The following SH3RF2 variants were observed in gnomAD, a reference collection of about 807,000 sequenced individuals.
SH3RF2 encodes SH3 domain containing ring finger 2, also known as E3 ubiquitin-protein ligase SH3RF2.
In SH3RF2, 43 loss-of-function variants were observed where a neutral mutation model predicts 59.0. That is an observed-to-expected ratio of 0.73 (90% CI 0.57 to 0.94). The LOEUF (loss-of-function observed/expected upper bound fraction) is 0.94, where lower values mean the gene tolerates loss of function less well. Ranked by LOEUF, SH3RF2 falls within the 40% of genes least tolerant of loss-of-function variation. The probability of loss-of-function intolerance (pLI) is 0.00; values close to 1 mark genes in which losing one functional copy is unlikely to be tolerated. For synonymous variants in SH3RF2, 391 were observed against 391.5 expected, an observed-to-expected ratio of 1.00 and a Z score of 0.01; for missense variants, 930 against 940.1, an observed-to-expected ratio of 0.99 and a Z score of 0.14.
At chr5:145,941,828 T>G (rs989790558) in intron 2 of SH3RF2, among the ~76,000 whole-genome samples, 18 of 152,124 alleles carry the variant, frequency 1.2e-4, no homozygotes, top group African/African-American at 3.9e-4. Flanking sequence ...GAGAAATAAG[T>G]GAGATGATTC....
intron 5 of SH3RF2, among the ~76,000 whole-genome samples, chr5:146,015,050 G>A (rs568076957): frequency 4.5e-4 from 68 of 152,194 alleles, no homozygotes; most frequent in Admixed American, 3.3e-3. Context: ...GTGCTGATGT[G>A]TTTTTTCTTT....
chr5:146,014,685 G>T (rs370155558), intron 5 of SH3RF2, among the ~76,000 whole-genome samples: 1 of 152,120 alleles, frequency 6.6e-6, no homozygotes, highest in African/African-American at 2.4e-5. Flanking sequence ...GGCACAAACC[G>T]GTGAAGCCAG....
In SH3RF2 at chr5:145,991,898, G is replaced by A. The variant is rs1759948006; in HGVS notation, c.379-8160G>A. Among the ~76,000 whole-genome samples the A allele has an allele frequency of 2.0e-5, 3 of 152,286 alleles. No individual in the cohort carries two copies. The South Asian group carries it at 6.2e-4, about 32-fold the overall frequency. The stretch of plus-strand genomic sequence containing the variant: ...AACTCCATTCATTGCCCCCATTTGA[G>A]TTAGAATAAGATATAGCTTAGACCT... On this transcript the variant is annotated intron_variant, in intron 2 of 9. Transcript: ENST00000359120.
At chr5:145,988,699 A>C (rs1759811205) in intron 2 of SH3RF2, among the ~76,000 whole-genome samples, 1 of 152,152 alleles carries the variant, frequency 6.6e-6, no homozygotes, top group Non-Finnish European at 1.5e-5. Context: ...CTCAAATCTG[A>C]ATGTCGGATT....
rs530029018 is a variant in SH3RF2, at chr5:146,072,443, C to G, written c.*34-6017C>G. On this transcript the variant is annotated intron_variant, in intron 9 of 9. Coordinates refer to the SH3RF2 transcript ENST00000511217. ...ATTCCAGCACTTTGGGAGGCTGAGG[C>G]AGGCGGATCACAAGGTCAGGAGTTT... Among the ~76,000 whole-genome samples, 23 of 152,264 alleles carry G rather than the reference C, an allele frequency of 1.5e-4. 2 individuals carry two copies. In the South Asian group the frequency reaches 4.8e-3, roughly 32 times the overall value.
intron 2 of SH3RF2, among the ~76,000 whole-genome samples, chr5:145,963,730 G>T (rs924189438): frequency 2.6e-5 from 4 of 152,032 alleles, no homozygotes; most frequent in African/African-American, 9.7e-5. Flanking sequence ...GAATTAAATG[G>T]CATCAGGTAA....
At chr5:145,943,717 TTTTTG>T (rs948599695) in intron 2 of SH3RF2, among the ~76,000 whole-genome samples, 1 of 151,948 alleles carries the variant, frequency 6.6e-6, no homozygotes, top group Non-Finnish European at 1.5e-5. Context: ...TTTGTTTTTG[TTTTTG>T]TTTTATCAGT....
chr5:146,060,243 TG>T lies in SH3RF2; in HGVS notation c.1914+24del. On this transcript the variant is annotated intron_variant, in intron 9 of 9. Coordinates refer to ENST00000359120, the MANE Select transcript of SH3RF2 (RefSeq NM_152550.4). ...CGAAAAGGTAGGATCAGAGTGACAT[TG>T]GGGGCCCAACTCTTTCGATCCCGTA... 6.4e-7 allele frequency: 1 copy of T among 1,574,700 alleles called. No individual in the cohort carries two copies. Among genetic ancestry groups the T allele is most frequent in the Non-Finnish European group, 8.6e-7 (1 of 1,158,296 alleles).
At chr5:145,948,232 A>C (rs1231834095) in intron 2 of SH3RF2, among the ~76,000 whole-genome samples, 3 of 152,214 alleles carry the variant, frequency 2.0e-5, no homozygotes. Context: ...ACAAAATAGG[A>C]AAATATGATT....
chr5:146,072,296 C>T (rs1763254343), intron 9 of SH3RF2, among the ~76,000 whole-genome samples: 1 of 152,140 alleles, frequency 6.6e-6, no homozygotes, highest in Non-Finnish European at 1.5e-5. Flanking sequence ...CAGAAAGGGA[C>T]CCAGAAGTGG....
intron 2 of SH3RF2, among the ~76,000 whole-genome samples, chr5:145,942,574 G>A (rs553860883): frequency 6.6e-6 from 1 of 152,348 alleles, no homozygotes; most frequent in African/African-American, 2.4e-5. Context: ...CTGTAATAGA[G>A]CTGTGATACA....
intron 5 of SH3RF2, among the ~76,000 whole-genome samples, chr5:146,017,773 A>C (rs1761162196): frequency 6.6e-6 from 1 of 152,040 alleles, no homozygotes; most frequent in Non-Finnish European, 1.5e-5. Flanking sequence ...CTATTGCTCC[A>C]GCCTCCTCAC....
At chr5:145,969,762 CAAAT>C (rs1205595396) in intron 2 of SH3RF2, among the ~76,000 whole-genome samples, 1 of 151,450 alleles carries the variant, frequency 6.6e-6, no homozygotes, top group East Asian at 1.9e-4. Context: ...AGTGTACAAA[CAAAT>C]AAATCATTAT....
In SH3RF2 at chr5:146,077,042, G is replaced by A. The variant is rs569119627; in HGVS notation, c.*34-1418G>A. ...ATTGGACAGGAGATAGAAAATTATCGAACCAATTTCCCATCATCCTTTTAG... is the reference window on the plus strand; with the variant it reads ...ATTGGACAGGAGATAGAAAATTATCAAACCAATTTCCCATCATCCTTTTAG... On this transcript the variant is annotated intron_variant, in intron 9 of 9. Transcript: ENST00000511217. Among the ~76,000 whole-genome samples the A allele has an allele frequency of 2.0e-5, 3 of 152,226 alleles. No homozygotes were observed. The East Asian group carries it at 5.8e-4, about 29-fold the overall frequency.
intron 9 of SH3RF2, among the ~76,000 whole-genome samples, chr5:146,071,981 A>G (rs1003509647): frequency 6.6e-6 from 1 of 152,140 alleles, no homozygotes; most frequent in African/African-American, 2.4e-5. Context: ...GCTAGGCTCT[A>G]TCAGACAGAA....
At chr5:145,956,850 C>A (rs947241050) in intron 2 of SH3RF2, among the ~76,000 whole-genome samples, 1 of 152,186 alleles carries the variant, frequency 6.6e-6, no homozygotes, top group East Asian at 1.9e-4. Flanking sequence ...ACAGAGCTTA[C>A]TTCAGATGGC....
At chr5:146,042,812 A>C (rs1458964796) in intron 5 of SH3RF2, among the ~76,000 whole-genome samples, 1 of 152,194 alleles carries the variant, frequency 6.6e-6, no homozygotes, top group Non-Finnish European at 1.5e-5. Flanking sequence ...TTCCTTCAAA[A>C]GGGAGGGAAA....
chr5:146,034,759 C>A (rs1042388805), intron 5 of SH3RF2, among the ~76,000 whole-genome samples: 1 of 152,120 alleles, frequency 6.6e-6, no homozygotes, highest in Non-Finnish European at 1.5e-5. Context: ...AGCATTGGAG[C>A]CTAGGTTTCC....
rs79421351 is a variant in SH3RF2, at chr5:146,074,871, C to T, written c.*34-3589C>T. On this transcript the variant is annotated intron_variant, in intron 9 of 9. Transcript: ENST00000511217. ...CAAAGCCCAGGCTATAGATTTGGAACACCTGAGTTGTACCTAAAGTGTGAC... is the reference window on the plus strand; with the variant it reads ...CAAAGCCCAGGCTATAGATTTGGAATACCTGAGTTGTACCTAAAGTGTGAC... Among the ~76,000 whole-genome samples the T allele has an allele frequency of 5.8e-3, 881 of 152,184 alleles. 8 individuals carry two copies. The highest frequency in any genetic ancestry group is 0.02 in the African/African-American group (832 of 41,516).
Sources: allele counts gnomAD v4.1 joint callset (sites outside exome capture counted in the v4.1 genomes callset), GRCh38; gene constraint gnomAD v4.1.1; transcripts MANE v1.5; gene names NCBI Gene and HGNC (gene_info 2026-07-23, HGNC 2026-07-21).